BBS9: variants seen among roughly 807,000 people sequenced by gnomAD.
BBS9 encodes the protein protein PTHB1.
A neutral mutation model predicts 117.7 loss-of-function variants in BBS9; 89 were observed. That is an observed-to-expected ratio of 0.76 (90% CI 0.64 to 0.90). The LOEUF is 0.90. Among genes scored for constraint, BBS9 ranks in the 40% least tolerant of loss-of-function variants. BBS9 has a pLI of 0.00. For synonymous variants in BBS9, 379 were observed against 370.9 expected (o/e 1.02, Z -0.25); for missense variants, 982 against 1,042.2 (o/e 0.94, Z 0.80).
At chr7:33,151,983 A>G (rs1307949974) in intron 2 of BBS9, among the ~76,000 whole-genome samples, 2 of 150,214 alleles carry the variant, frequency 1.3e-5, no homozygotes, top group Admixed American at 1.3e-4. Flanking sequence ...TCAGCCTCCC[A>G]AGTAGCTGGG....
chr7:33,531,726 G>A (rs781763666), intron 20 of BBS9, among the ~76,000 whole-genome samples: 3 of 152,188 alleles, frequency 2.0e-5, no homozygotes, highest in Admixed American at 2.0e-4. Flanking sequence ...TAGAAGAAGG[G>A]CCAATGGGGT....
At chr7:33,467,715 G>GA (rs1180033334) in intron 19 of BBS9, among the ~76,000 whole-genome samples, 1 of 152,052 alleles carries the variant, frequency 6.6e-6, no homozygotes, top group Non-Finnish European at 1.5e-5. Context: ...AATTAGCAGT[G>GA]AAAAAAATAG....
intron 20 of BBS9, among the ~76,000 whole-genome samples, chr7:33,508,491 C>G (rs1471561217): frequency 6.6e-6 from 1 of 152,166 alleles, no homozygotes; most frequent in Non-Finnish European, 1.5e-5. Flanking sequence ...CTTTGAGTCT[C>G]CCTGAACCCC....
At chr7:33,566,918 G>A (rs561134587) in intron 21 of BBS9, among the ~76,000 whole-genome samples, 17 of 152,212 alleles carry the variant, frequency 1.1e-4, no homozygotes, top group African/African-American at 3.9e-4. Context: ...ATTTAAGAAC[G>A]TAAGAAGAAT....
intron 5 of BBS9, among the ~76,000 whole-genome samples, chr7:33,224,528 A>C (rs1001391458): frequency 5.3e-5 from 8 of 152,280 alleles, no homozygotes; most frequent in East Asian, 3.9e-4. Context: ...AGTAACACCA[A>C]ATTTTTCTGG....
intron 6 of BBS9, among the ~76,000 whole-genome samples, chr7:33,259,616 C>A (rs986525336): frequency 1.3e-5 from 2 of 151,960 alleles, no homozygotes; most frequent in Non-Finnish European, 2.9e-5. Flanking sequence ...CTTAAGTGAA[C>A]CTTCTGCCTT....
In BBS9 at chr7:33,421,115, A is replaced by G. The variant is rs917269197; in HGVS notation, c.2115+32971A>G. Among the ~76,000 whole-genome samples the G allele has an allele frequency of 4.6e-5, 7 of 152,344 alleles. No homozygotes were observed. The East Asian group carries it at 1.3e-3, about 29-fold the overall frequency. ...GGAAGGATTGATCATTAGATAAAGC[A>G]GGTTTAAGTCATTTGGCTATTTAAA... is the stretch of plus-strand genomic sequence containing the variant. On this transcript the variant is annotated intron_variant, in intron 19 of 22. Coordinates refer to ENST00000242067, the MANE Select transcript of BBS9 (RefSeq NM_198428.3).
intron 9 of BBS9, among the ~76,000 whole-genome samples, chr7:33,312,215 C>A (rs2128554843): frequency 6.6e-6 from 1 of 152,118 alleles, no homozygotes; most frequent in African/African-American, 2.4e-5. Flanking sequence ...TTATAATGTT[C>A]TTTTCTGTGT....
chr7:33,344,703 G>A (rs185389965), intron 12 of BBS9, 69 bp downstream of exon 12: 1,114 of 1,481,584 alleles, frequency 7.5e-4, no homozygotes, highest in Non-Finnish European at 9.5e-4. Flanking sequence ...TGTCACTGTT[G>A]AGAACTTGTA....
intron 17 of BBS9, among the ~76,000 whole-genome samples, chr7:33,382,101 C>A (rs1825151862): frequency 6.6e-6 from 1 of 152,230 alleles, no homozygotes; most frequent in Admixed American, 6.5e-5. Context: ...ATGACATCTG[C>A]ATAATAGATG....
At chr7:33,412,047 A>C (rs1488357019) in intron 19 of BBS9, among the ~76,000 whole-genome samples, 1 of 152,138 alleles carries the variant, frequency 6.6e-6, no homozygotes, top group Non-Finnish European at 1.5e-5. Flanking sequence ...TTTTAAACTA[A>C]AATGTATTAT....
chr7:33,501,020 T>C (rs949554012), intron 19 of BBS9, among the ~76,000 whole-genome samples: 5 of 152,196 alleles, frequency 3.3e-5, no homozygotes, highest in Non-Finnish European at 7.3e-5. Flanking sequence ...CGTTAGCATT[T>C]ATTGTTTCCT....
Position 33,604,880 on chromosome 7 carries a change from T to C in BBS9, c.2537T>C (p.Ile846Thr), listed in dbSNP as rs778596742. The C allele has an allele frequency of 6.2e-7, 1 of 1,612,208 alleles. No individual in the cohort carries two copies. Among genetic ancestry groups the C allele is most frequent in the South Asian group, 1.1e-5 (1 of 90,990 alleles). The change falls in exon 22 of 23, where the codon ATC becomes ACC. Residue 846 changes from isoleucine to threonine, a missense_variant. Coordinates refer to ENST00000242067, the MANE Select transcript of BBS9 (RefSeq NM_198428.3). ...TMVMPGGCTT[I>T]PESDLEERSV... The stretch of plus-strand genomic sequence containing the variant: ...TTTCAACTAGGTGGTTGTACTACAA[T>C]CCCAGAGTCAGACCTAGAAGAAAGA...
intron 9 of BBS9, among the ~76,000 whole-genome samples, chr7:33,303,517 T>TTC (rs1806947306): frequency 1.5e-5 from 1 of 66,356 alleles, no homozygotes. Context: ...ACTGAAATGA[T>TTC]CCCCTCCCCC....
chr7:33,453,368 A>G lies in BBS9; in HGVS notation c.2116-52095A>G, dbSNP rs116371033. On this transcript the variant is annotated intron_variant, in intron 19 of 22. Coordinates refer to ENST00000242067, the MANE Select transcript of BBS9 (RefSeq NM_198428.3). ...GCTTGAACTACACAGATCCACTTAT[A>G]TGTTCATTTTCTTGTGCCTCTGCCA... Among the ~76,000 whole-genome samples, 1,103 of 152,162 alleles carry G rather than the reference A, an allele frequency of 7.2e-3. 10 individuals carry two copies. Among genetic ancestry groups the G allele is most frequent in the Middle Eastern group, 0.027 (8 of 294 alleles).
chr7:33,595,241 C>T (rs1446881814), intron 21 of BBS9, among the ~76,000 whole-genome samples: 1 of 152,094 alleles, frequency 6.6e-6, no homozygotes, highest in East Asian at 1.9e-4. Context: ...GAAGCTATAT[C>T]ATCGGAGTAA....
At chr7:33,512,447 A>G (rs1847106254) in intron 20 of BBS9, among the ~76,000 whole-genome samples, 1 of 152,218 alleles carries the variant, frequency 6.6e-6, no homozygotes, top group African/African-American at 2.4e-5. Flanking sequence ...TTGAAGCATC[A>G]CTTTCTCTGT....
At chr7:33,289,363 A>T (rs1803545670) in intron 9 of BBS9, among the ~76,000 whole-genome samples, 1 of 152,352 alleles carries the variant, frequency 6.6e-6, no homozygotes, top group South Asian at 2.1e-4. Flanking sequence ...TTTAAATCTA[A>T]AATAGTTTAG....
intron 5 of BBS9, among the ~76,000 whole-genome samples, chr7:33,192,242 T>C (rs1288188991): frequency 1.3e-5 from 2 of 152,194 alleles, no homozygotes; most frequent in African/African-American, 2.4e-5. Flanking sequence ...TTGAAGTCAG[T>C]TGAGTAATTT....
Sources: allele counts gnomAD v4.1 joint callset (sites outside exome capture counted in the v4.1 genomes callset), GRCh38; gene constraint gnomAD v4.1.1; transcripts MANE v1.5; gene names NCBI Gene and HGNC (gene_info 2026-07-23, HGNC 2026-07-21).